The following MYH8 variants were observed in gnomAD, a reference collection of about 807,000 sequenced individuals.
The protein encoded by MYH8 is myosin heavy chain 8.
A neutral mutation model predicts 233.2 loss-of-function variants in MYH8; 168 were observed. That is an observed-to-expected ratio of 0.72 (90% CI 0.64 to 0.82). The LOEUF is 0.82. Ranked by LOEUF, MYH8 falls within the 40% of genes least tolerant of loss-of-function variation. MYH8 has a pLI of 0.00. For synonymous variants in MYH8, 785 were observed against 850.6 expected (o/e 0.92, Z 1.34); for missense variants, 1,995 against 2,327.8 (o/e 0.86, Z 2.94).
In MYH8 at chr17:10,390,387, G is replaced by C; in HGVS notation, c.*67C>G. The C allele has an allele frequency of 6.3e-7, 1 of 1,585,724 alleles. No individual in the cohort carries two copies. The highest frequency in any genetic ancestry group is 8.6e-7 in the Non-Finnish European group (1 of 1,156,084). Reference sequence around the variant, plus strand: ...TTAACAGGAAAATAAACGTCATAAAGCAAGTGACCAAAAATAGCACATTTT... The same window carrying C: ...TTAACAGGAAAATAAACGTCATAAACCAAGTGACCAAAAATAGCACATTTT... On this transcript the variant is annotated 3_prime_UTR_variant, in exon 40 of 40. Coordinates refer to ENST00000403437, the MANE Select transcript of MYH8 (RefSeq NM_002472.3).
intron 27 of MYH8, 43 bp from the exon 28 acceptor site, chr17:10,399,712 TA>T: frequency 6.2e-7 from 1 of 1,611,684 alleles, no homozygotes; most frequent in Middle Eastern, 1.7e-4. Flanking sequence ...TTGAATGCAA[TA>T]AAAAGGTTAA....
intron 37 of MYH8, 61 bp downstream of exon 37, chr17:10,392,770 G>C: frequency 1.2e-6 from 2 of 1,614,160 alleles, no homozygotes; most frequent in Non-Finnish European, 1.7e-6. Flanking sequence ...TGTAGGAAGA[G>C]AGAAGGGTAG....
chr17:10,390,801 G>C (rs1294381787), intron 39 of MYH8, among the ~76,000 whole-genome samples, 198 bp from the exon 40 acceptor site: 1 of 152,188 alleles, frequency 6.6e-6, no homozygotes, highest in Non-Finnish European at 1.5e-5. Flanking sequence ...TGAAGTGGAG[G>C]AGACAGCCTC....
Position 10,420,099 on chromosome 17 carries a change from C to T in MYH8, c.129G>A (p.Ala43=), listed in dbSNP as rs140219100. ...TCTTCACATAGGATTCCTTGGGCTC[C>T]GCCACAAAGACAGATGTTTTAGCAT... The part of the protein sequence containing the change: ...PFDAKTSVFV[A]EPKESYVKST... The change falls in exon 3 of 40, where the codon GCG becomes GCA. Residue 43 remains alanine (A), a synonymous_variant. Coordinates refer to ENST00000403437, the MANE Select transcript of MYH8 (RefSeq NM_002472.3). 13 of 1,614,090 alleles carry T rather than the reference C, an allele frequency of 8.1e-6. No individual in the cohort carries two copies. The highest frequency in any genetic ancestry group is 6.7e-5 in the Admixed American group (4 of 60,012).
intron 39 of MYH8, among the ~76,000 whole-genome samples, chr17:10,391,624 G>A (rs1264968046): frequency 2.0e-5 from 3 of 152,154 alleles, no homozygotes; most frequent in Admixed American, 6.5e-5. Context: ...AGGTTGCAGT[G>A]AGCCAAGATC....
chr17:10,399,508 T>G, intron 28 of MYH8, 35 bp downstream of exon 28: 1 of 1,612,378 alleles, frequency 6.2e-7, no homozygotes, highest in Non-Finnish European at 8.5e-7. Context: ...TTTTATTTAG[T>G]CCATGGTGTT....
At chr17:10,406,838 G>A (rs758042713) in intron 18 of MYH8, 31 bp from the exon 19 acceptor site, 8 of 1,612,564 alleles carry the variant, frequency 5.0e-6, no homozygotes, top group Non-Finnish European at 5.9e-6. Context: ...TTATTAGTGG[G>A]CATTTAACTT....
intron 11 of MYH8, 66 bp from the exon 12 acceptor site, chr17:10,414,106 A>G: frequency 2.5e-6 from 4 of 1,610,794 alleles, no homozygotes; most frequent in South Asian, 1.1e-5. Context: ...GAATTTATAC[A>G]TATCCTAAGG....
intron 19 of MYH8, 26 bp downstream of exon 19, chr17:10,406,664 A>G (rs2072196837): frequency 6.3e-7 from 1 of 1,577,246 alleles, no homozygotes; most frequent in African/African-American, 1.3e-5. Flanking sequence ...TCACAGTGTT[A>G]ATGAAATACA....
chr17:10,405,033 G>A (rs2072180156), intron 21 of MYH8, among the ~76,000 whole-genome samples: 1 of 152,154 alleles, frequency 6.6e-6, no homozygotes, highest in Non-Finnish European at 1.5e-5. Flanking sequence ...GACATAGGTT[G>A]CCTTCTGAAT....
At chr17:10,403,462 C>CT in intron 22 of MYH8, among the ~76,000 whole-genome samples, 1 of 152,034 alleles carries the variant, frequency 6.6e-6, no homozygotes, top group African/African-American at 2.4e-5. Flanking sequence ...GGATTCTTTT[C>CT]TTTTTTCTTT....
rs778287519 is a variant in MYH8, at chr17:10,415,658, A to G, written c.539+23T>C. On this transcript the variant is annotated intron_variant, in intron 6 of 39. Coordinates refer to ENST00000403437, the MANE Select transcript of MYH8 (RefSeq NM_002472.3). The surrounding 1 kb of genome is among the most constrained non-coding windows in gnomAD (Gnocchi z 4.1). ...ACATCTAAGACAATCCTTGCAAATC[A>G]GAGAAGAAAAAAAATCACATACGTG... The G allele has an allele frequency of 1.2e-6, 2 of 1,613,994 alleles. No homozygotes were observed. The highest frequency in any genetic ancestry group is 3.3e-5 in the Admixed American group (2 of 60,022).
At chr17:10,420,761 T>A (rs780660620) in intron 2 of MYH8, among the ~76,000 whole-genome samples, 45 of 152,372 alleles carry the variant, frequency 3.0e-4, no homozygotes, top group Non-Finnish European at 5.1e-4. Flanking sequence ...AACATCTTTA[T>A]GTTGATATTT....
At chr17:10,402,171 G>A (rs1171092660) in intron 22 of MYH8, among the ~76,000 whole-genome samples, 1 of 152,006 alleles carries the variant, frequency 6.6e-6, no homozygotes, top group African/African-American at 2.4e-5. Context: ...TATATATATG[G>A]GTTGGAATAA....
At chr17:10,412,021 C>T (rs531631238) in intron 14 of MYH8, among the ~76,000 whole-genome samples, 86 of 152,266 alleles carry the variant, frequency 5.6e-4, no homozygotes, top group African/African-American at 2.0e-3. Flanking sequence ...ATCTGGGTTG[C>T]TGTCCTGGAT....
At chr17:10,391,436 T>C (rs2072022510) in intron 39 of MYH8, among the ~76,000 whole-genome samples, 1 of 152,176 alleles carries the variant, frequency 6.6e-6, no homozygotes, top group Non-Finnish European at 1.5e-5. Context: ...TCCCAGCACT[T>C]TGGGAGGCCG....
chr17:10,419,097 G>A lies in MYH8; in HGVS notation c.211-67C>T, dbSNP rs75553582. 6 of 1,594,096 alleles carry A rather than the reference G, an allele frequency of 3.8e-6. No individual in the cohort carries two copies. In the Admixed American group the frequency reaches 8.5e-5, roughly 23 times the overall value. The stretch of plus-strand genomic sequence containing the variant: ...TTTGAGATAGAGTTTTGCTTTTTTT[G>A]CCCAGGCTGGAGTGCAGTGGCGCGA... On this transcript the variant is annotated intron_variant, in intron 3 of 39. Coordinates refer to ENST00000403437, the MANE Select transcript of MYH8 (RefSeq NM_002472.3). This position sits in a 1 kb window ranked among gnomAD's most constrained non-coding sequence, Gnocchi z 4.0.
chr17:10,418,526 A>G, intron 5 of MYH8, 119 bp downstream of exon 5: 1 of 1,579,210 alleles, frequency 6.3e-7, no homozygotes, highest in Non-Finnish European at 8.7e-7. Context: ...TTTTGAAAAC[A>G]GTGAAGCCCC....
chr17:10,410,096 G>C (rs973965038), intron 15 of MYH8, among the ~76,000 whole-genome samples: 1 of 152,168 alleles, frequency 6.6e-6, no homozygotes, highest in Non-Finnish European at 1.5e-5. Context: ...TTGAACTCAG[G>C]AGTTCAAGAC....
Sources: allele counts gnomAD v4.1 joint callset (sites outside exome capture counted in the v4.1 genomes callset), GRCh38; gene constraint gnomAD v4.1.1; non-coding constraint Gnocchi (gnomAD v3.1); transcripts MANE v1.5; gene names NCBI Gene and HGNC (gene_info 2026-07-23, HGNC 2026-07-21).